The following PTPRD variants were observed in gnomAD, a reference collection of about 807,000 sequenced individuals.
The protein encoded by PTPRD is receptor-type tyrosine-protein phosphatase delta.
Under a neutral mutation model 214.5 loss-of-function variants are expected in PTPRD, and 34 were observed. That is an observed-to-expected ratio of 0.16 (90% confidence interval 0.12 to 0.21). The LOEUF (loss-of-function observed/expected upper bound fraction) is 0.21, where lower values mean the gene tolerates loss of function less well. Among genes scored for constraint, PTPRD ranks in the 10% least tolerant of loss-of-function variants. The probability of loss-of-function intolerance (pLI) is 1.00; values close to 1 mark genes in which losing one functional copy is unlikely to be tolerated. For synonymous variants in PTPRD, 1,128 were observed against 845.7 expected, an observed-to-expected ratio of 1.33 and a Z score of -5.79; for missense variants, 2,545 against 2,398.7, an observed-to-expected ratio of 1.06 and a Z score of -1.27.
intron 5 of PTPRD, among the ~76,000 whole-genome samples, chr9:9,932,800 G>T (rs2087271152): frequency 8.2e-6 from 1 of 122,178 alleles, no homozygotes; most frequent in Non-Finnish European, 1.7e-5. Flanking sequence ...TTGAAATGAA[G>T]GAAAAAATGT....
Position 10,568,311 on chromosome 9 carries a change from G to T in PTPRD, c.-600+44087C>A, listed in dbSNP as rs545856033. Among the ~76,000 whole-genome samples the T allele has an allele frequency of 4.7e-4, 72 of 152,048 alleles. 1 individual carries two copies. Among genetic ancestry groups the T allele is most frequent in the African/African-American group, 1.7e-3 (70 of 41,470 alleles). On this transcript the variant is annotated intron_variant, in intron 2 of 45. Coordinates refer to ENST00000381196, the MANE Select transcript of PTPRD (RefSeq NM_002839.4). ...GGACACGAACTCATCATTTTTTATG[G>T]CTGCATAGTATTCCATGGTGTATAT...
chr9:9,844,740 G>C (rs2059093594), intron 5 of PTPRD, among the ~76,000 whole-genome samples: 1 of 151,584 alleles, frequency 6.6e-6, no homozygotes, highest in African/African-American at 2.4e-5. Flanking sequence ...ATTTGTTTAG[G>C]ACACAAGTTC....
chr9:8,542,412 G>A (rs1010158143), intron 14 of PTPRD, among the ~76,000 whole-genome samples: 2 of 152,158 alleles, frequency 1.3e-5, no homozygotes, highest in Admixed American at 1.3e-4. Flanking sequence ...AAGGAGATAG[G>A]GAGAAGTGGA....
At chr9:9,454,552 C>A (rs2092716165) in intron 8 of PTPRD, among the ~76,000 whole-genome samples, 1 of 151,696 alleles carries the variant, frequency 6.6e-6, no homozygotes, top group African/African-American at 2.4e-5. Context: ...CCCATTAGTT[C>A]AGTAAGAATT....
chr9:9,938,124 A>C (rs552679809), intron 5 of PTPRD, among the ~76,000 whole-genome samples: 1 of 152,256 alleles, frequency 6.6e-6, no homozygotes, highest in South Asian at 2.1e-4. Flanking sequence ...GTAAGGTGGC[A>C]CTGAACAATG....
At chr9:9,024,557 T>C (rs534551377) in intron 10 of PTPRD, among the ~76,000 whole-genome samples, 1 of 151,658 alleles carries the variant, frequency 6.6e-6, no homozygotes, top group Non-Finnish European at 1.5e-5. Context: ...GATAGGAGAG[T>C]TCCAACTTCT....
rs186142444 is a variant in PTPRD, at chr9:10,092,229, A to C, written c.-544-58439T>G. The stretch of plus-strand genomic sequence containing the variant: ...GCTGTGTGTCAAGCAATAAATAAGC[A>C]CACATTTCTGAGCAAAATGCCCATT... On this transcript the variant is annotated intron_variant, in intron 3 of 45. Transcript: ENST00000381196. Among the ~76,000 whole-genome samples the C allele has an allele frequency of 1.1e-4, 16 of 151,576 alleles. No individual in the cohort carries two copies. The East Asian group carries it at 2.7e-3, about 26-fold the overall frequency.
intron 11 of PTPRD, among the ~76,000 whole-genome samples, chr9:8,785,257 C>A (rs903710491): frequency 2.0e-5 from 3 of 152,090 alleles, no homozygotes; most frequent in African/African-American, 4.8e-5. Context: ...AAACACTAAT[C>A]AATGAAAGAG....
At chr9:10,131,886 T>A (rs2154258797) in intron 3 of PTPRD, among the ~76,000 whole-genome samples, 1 of 152,236 alleles carries the variant, frequency 6.6e-6, no homozygotes, top group East Asian at 1.9e-4. Context: ...TACGTGTAAT[T>A]ACAAACTGAA....
intron 3 of PTPRD, among the ~76,000 whole-genome samples, chr9:10,136,288 G>A (rs1327386132): frequency 6.6e-6 from 1 of 151,956 alleles, no homozygotes; most frequent in African/African-American, 2.4e-5. Flanking sequence ...GAATAGTGGG[G>A]GACTTCAACG....
chr9:10,504,243 T>C (rs1242832047), intron 2 of PTPRD, among the ~76,000 whole-genome samples: 8 of 149,386 alleles, frequency 5.4e-5, no homozygotes, highest in African/African-American at 2.0e-4. Context: ...AACTCTCTCC[T>C]ATCTACATGT....
chr9:8,849,973 G>A (rs1289185345), intron 11 of PTPRD, among the ~76,000 whole-genome samples: 1 of 152,070 alleles, frequency 6.6e-6, no homozygotes, highest in African/African-American at 2.4e-5. Flanking sequence ...GAAATGGAAA[G>A]GAAATAAAGT....
intron 21 of PTPRD, among the ~76,000 whole-genome samples, chr9:8,510,036 C>A (rs1383574628): frequency 6.6e-6 from 1 of 152,244 alleles, no homozygotes; most frequent in East Asian, 1.9e-4. Context: ...GTAACCCCAG[C>A]ACTTTGGGAG....
chr9:9,609,906 AT>A (rs1361461221), intron 7 of PTPRD, among the ~76,000 whole-genome samples: 1 of 152,258 alleles, frequency 6.6e-6, no homozygotes, highest in African/African-American at 2.4e-5. Context: ...TTATAAAAAA[AT>A]AAGAACATTT....
At chr9:9,358,804 G>T (rs12000523) in intron 9 of PTPRD, among the ~76,000 whole-genome samples, 2,073 of 151,322 alleles carry the variant, frequency 0.014, 43 homozygotes, top group African/African-American at 0.047. Flanking sequence ...AATCATTAAC[G>T]TCATTAAGCT....
rs183051494 is a variant in PTPRD, at chr9:10,579,605, G to A, written c.-600+32793C>T. On this transcript the variant is annotated intron_variant, in intron 2 of 45. Transcript: ENST00000381196. Reference sequence around the variant, plus strand: ...AGCGCATGAGTGTTTTTGGTAGAACGTTTTATTTTCTTTTGGATATATACC... The same window carrying A: ...AGCGCATGAGTGTTTTTGGTAGAACATTTTATTTTCTTTTGGATATATACC... 1.0e-3 allele frequency among the ~76,000 whole-genome samples: 156 copies of A among 152,204 alleles called. 2 individuals carry two copies. Among genetic ancestry groups the A allele is most frequent in the African/African-American group, 3.5e-3 (147 of 41,554 alleles).
chr9:9,854,842 G>T (rs1287882670), intron 5 of PTPRD, among the ~76,000 whole-genome samples: 7 of 151,930 alleles, frequency 4.6e-5, no homozygotes, highest in Admixed American at 4.6e-4. Context: ...CTATAACTAT[G>T]GATAATACTC....
At chr9:8,822,860 G>A (rs533521582) in intron 11 of PTPRD, among the ~76,000 whole-genome samples, 10 of 151,926 alleles carry the variant, frequency 6.6e-5, no homozygotes, top group Admixed American at 1.3e-4. Flanking sequence ...CTTAAGCTAC[G>A]GCAATTTAAC....
At chr9:9,335,489 T>C (rs958050951) in intron 9 of PTPRD, among the ~76,000 whole-genome samples, 3 of 152,116 alleles carry the variant, frequency 2.0e-5, no homozygotes, top group Non-Finnish European at 2.9e-5. Context: ...TTTTCACTTG[T>C]ATATTAAGAC....
Sources: gnomAD v4.1 joint callset for allele counts (sites outside exome capture counted in the v4.1 genomes callset) on GRCh38, gnomAD v4.1.1 for gene constraint, MANE v1.5 for transcripts, NCBI Gene and HGNC (gene_info 2026-07-23, HGNC 2026-07-21) for gene names.